Variants in NCEH1 observed in about 807,000 individuals in gnomAD.
NCEH1 encodes the protein 2-acetyl MAGE hydrolase.
In NCEH1, 9 loss-of-function variants were observed where a neutral mutation model predicts 25.4. The ratio of observed to expected loss-of-function variants is 0.35; its 90% CI spans 0.21 to 0.62. The LOEUF (loss-of-function observed/expected upper bound fraction) is 0.62, where lower values mean the gene tolerates loss of function less well. Among genes scored for constraint, NCEH1 ranks in the 20% least tolerant of loss-of-function variants. The pLI, the probability that NCEH1 is intolerant of heterozygous loss-of-function variation, is 0.72. For synonymous variants in NCEH1, 200 were observed against 199.8 expected, an observed-to-expected ratio of 1.00 and a Z score of -0.01; for missense variants, 412 against 501.1, an observed-to-expected ratio of 0.82 and a Z score of 1.70.
At chr3:172,679,788 T>A (rs180955776) in intron 1 of NCEH1, among the ~76,000 whole-genome samples, 1 of 152,170 alleles carries the variant, frequency 6.6e-6, no homozygotes, top group Admixed American at 6.5e-5. Context: ...CGCCATCTTC[T>A]CCTTGTCACC....
chr3:172,685,470 G>A lies in NCEH1; in HGVS notation c.138+25377C>T, dbSNP rs191988005. On this transcript the variant is annotated intron_variant, in intron 1 of 4. Transcript: ENST00000475381. ...GTCGTATAATTTTAAAACCCAAAGG[G>A]CCCACAAATACAGACTGTCTTCTTG... 2.0e-5 allele frequency among the ~76,000 whole-genome samples: 3 copies of A among 152,182 alleles called. No homozygotes were observed. The East Asian group carries it at 5.8e-4, about 29-fold the overall frequency.
intron 1 of NCEH1, among the ~76,000 whole-genome samples, chr3:172,697,729 G>A (rs1284031429): frequency 1.3e-5 from 2 of 152,162 alleles, no homozygotes; most frequent in African/African-American, 4.8e-5. Flanking sequence ...ACTGTTGAAT[G>A]TAGTTCAAAG....
chr3:172,682,737 AATGTGTAAGT>A (rs1470668922), intron 1 of NCEH1, among the ~76,000 whole-genome samples: 4 of 152,238 alleles, frequency 2.6e-5, no homozygotes, highest in African/African-American at 9.6e-5. Flanking sequence ...AAACAAACAA[AATGTGTAAGT>A]ATGAAATCAT....
At chr3:172,653,744 G>GTTTTTTTTT (rs796835886) in intron 1 of NCEH1, among the ~76,000 whole-genome samples, 8 of 95,670 alleles carry the variant, frequency 8.4e-5, no homozygotes, top group African/African-American at 1.7e-4. Context: ...TGTTTTTTTT[G>GTTTTTTTTT]TTTTTTTGTT....
At chr3:172,641,441 A>G (rs1716847961) in intron 3 of NCEH1, among the ~76,000 whole-genome samples, 4 of 152,168 alleles carry the variant, frequency 2.6e-5, no homozygotes, top group African/African-American at 9.7e-5. Context: ...CCTGGTGCTC[A>G]TAAGAGGTGA....
intron 1 of NCEH1, among the ~76,000 whole-genome samples, chr3:172,657,234 T>C (rs1457144380): frequency 2.0e-5 from 3 of 152,140 alleles, no homozygotes; most frequent in Non-Finnish European, 4.4e-5. Context: ...TGTATTCATA[T>C]ACTGATTTCT....
intron 1 of NCEH1, among the ~76,000 whole-genome samples, chr3:172,708,603 C>T (rs753042084): frequency 4.6e-5 from 7 of 152,162 alleles, no homozygotes; most frequent in Non-Finnish European, 1.0e-4. Flanking sequence ...GTGATCCACC[C>T]GCCTCGGCCT....
intron 3 of NCEH1, among the ~76,000 whole-genome samples, chr3:172,637,236 C>T (rs1716635677): frequency 1.3e-5 from 2 of 152,026 alleles, no homozygotes; most frequent in Admixed American, 1.3e-4. Context: ...CTTCATTTTG[C>T]AAACGAAGAA....
rs61592238 is a variant in NCEH1, at chr3:172,691,946, CAAAAAAAA to C, written c.138+18893_138+18900del. Among the ~76,000 whole-genome samples the C allele has an allele frequency of 8.7e-5, 7 of 80,012 alleles. No individual in the cohort carries two copies. The East Asian group carries it at 3.0e-3, about 35-fold the overall frequency. The allele number at this position is 80,012 out of a possible 152,430, so 52.5% of individuals were successfully genotyped here. A position where few individuals can be genotyped will look rare whatever the true frequency, so the allele number is the denominator to read the frequency against. ...TGGGCGACAGAGCAAGACTCCGTCT[CAAAAAAAA>C]AAAAAAAAAAAAAAGAAAGAAAGAA... On this transcript the variant is annotated intron_variant, in intron 1 of 4. Transcript: ENST00000475381.
At chr3:172,650,655 A>AAC (rs1333420696) in intron 1 of NCEH1, among the ~76,000 whole-genome samples, 1 of 150,996 alleles carries the variant, frequency 6.6e-6, no homozygotes, top group Non-Finnish European at 1.5e-5. Context: ...TCTCAAAAAA[A>AAC]AAAAAAAATA....
chr3:172,642,619 A>AG (rs1293217208), intron 3 of NCEH1, among the ~76,000 whole-genome samples: 17 of 150,400 alleles, frequency 1.1e-4, no homozygotes, highest in East Asian at 7.7e-4. Flanking sequence ...AAAAAAAAAA[A>AG]AAAAAGAAAA....
At chr3:172,648,942 G>C (rs1717261969) in intron 1 of NCEH1, among the ~76,000 whole-genome samples, 1 of 152,192 alleles carries the variant, frequency 6.6e-6, no homozygotes, top group East Asian at 1.9e-4. Context: ...AAGTTCATCA[G>C]GAAGGGGAAC....
At chr3:172,709,397 A>G (rs928468514) in intron 1 of NCEH1, among the ~76,000 whole-genome samples, 3 of 152,214 alleles carry the variant, frequency 2.0e-5, no homozygotes, top group African/African-American at 7.2e-5. Flanking sequence ...TTCAAATTAC[A>G]TAATTTCATG....
intron 1 of NCEH1, among the ~76,000 whole-genome samples, chr3:172,660,620 C>T (rs1717930077): frequency 6.6e-6 from 1 of 152,228 alleles, no homozygotes; most frequent in Non-Finnish European, 1.5e-5. Context: ...TATTTCTCCA[C>T]ATCCTCTCCA....
intron 1 of NCEH1, among the ~76,000 whole-genome samples, chr3:172,649,935 T>G (rs1717317286): frequency 6.6e-6 from 1 of 152,248 alleles, no homozygotes; most frequent in Admixed American, 6.5e-5. Flanking sequence ...TTACATGAGT[T>G]TCTTTAACTA....
intron 1 of NCEH1, among the ~76,000 whole-genome samples, chr3:172,701,222 C>T (rs1560209880): frequency 6.6e-6 from 1 of 152,164 alleles, no homozygotes; most frequent in African/African-American, 2.4e-5. Context: ...GGGTCCCAAA[C>T]TCTATATCTT....
intron 4 of NCEH1, among the ~76,000 whole-genome samples, chr3:172,634,377 T>G (rs776558564): frequency 4.6e-5 from 7 of 152,232 alleles, no homozygotes; most frequent in Admixed American, 1.3e-4. Context: ...TTAAGACACC[T>G]AGGTATTATG....
At chr3:172,682,754 T>A (rs528431708) in intron 1 of NCEH1, among the ~76,000 whole-genome samples, 20 of 152,314 alleles carry the variant, frequency 1.3e-4, no homozygotes, top group Admixed American at 9.2e-4. Flanking sequence ...AAGTATGAAA[T>A]CATTGTAGGT....
At chr3:172,644,146 G>A (rs1055324321) in intron 3 of NCEH1, among the ~76,000 whole-genome samples, 16 of 151,756 alleles carry the variant, frequency 1.1e-4, no homozygotes, top group African/African-American at 3.9e-4. Context: ...GGGCTTTTGA[G>A]TGACTCTAGG....
Sources: allele counts gnomAD v4.1 joint callset (sites outside exome capture counted in the v4.1 genomes callset), GRCh38; gene constraint gnomAD v4.1.1; transcripts MANE v1.5; gene names NCBI Gene and HGNC (gene_info 2026-07-23, HGNC 2026-07-21).